Variants in POU3F3 observed in about 807,000 individuals in gnomAD.
POU3F3 encodes the protein POU class 3 homeobox 3, also known as POU domain, class 3, transcription factor 3.
Under a neutral mutation model 8.6 loss-of-function variants are expected in POU3F3, and 1 was observed. The ratio of observed to expected loss-of-function variants is 0.12; its 90% CI spans 0.04 to 0.55. The LOEUF (loss-of-function observed/expected upper bound fraction) is 0.55, where lower values mean the gene tolerates loss of function less well. Ranked by LOEUF, POU3F3 falls within the 20% of genes least tolerant of loss-of-function variation. POU3F3 has a pLI of 0.91. For missense variants in POU3F3, 577 were observed against 690.7 expected, an observed-to-expected ratio of 0.84 and a Z score of 1.84; for synonymous variants, 418 against 327.4, an observed-to-expected ratio of 1.28 and a Z score of -2.99.
the POU3F3 span, among the ~76,000 whole-genome samples, chr2:104,921,145 C>G: frequency 6.6e-6 from 1 of 152,158 alleles, no homozygotes; most frequent in African/African-American, 2.4e-5. Flanking sequence ...GAGGACCACA[C>G]AATGGGAGCA....
the POU3F3 span, among the ~76,000 whole-genome samples, chr2:104,899,056 T>A: frequency 6.6e-6 from 1 of 152,184 alleles, no homozygotes; most frequent in Non-Finnish European, 1.5e-5. Context: ...GCCAGTGAGA[T>A]GAAACCAATA....
the POU3F3 span, among the ~76,000 whole-genome samples, chr2:104,905,552 G>T: frequency 6.6e-6 from 1 of 152,220 alleles, no homozygotes; most frequent in African/African-American, 2.4e-5. Flanking sequence ...AAACTGGGTG[G>T]TTTAAAACAA....
chr2:104,896,442 G>A, the POU3F3 span, among the ~76,000 whole-genome samples: 518 of 152,358 alleles, frequency 3.4e-3, 3 homozygotes, highest in Non-Finnish European at 5.7e-3. Context: ...CCAGAAGCTT[G>A]TGAGGGAGGT....
At chr2:104,867,323 C>A in the POU3F3 span, 1 of 152,286 alleles carries the variant, frequency 6.6e-6, no homozygotes, top group Non-Finnish European at 1.5e-5. This position sits in a 1 kb window ranked among gnomAD's most constrained non-coding sequence, Gnocchi z 5.0. Context: ...TGGGGGCGAG[C>A]CCGGAGGGAA....
the POU3F3 span, among the ~76,000 whole-genome samples, chr2:104,878,628 G>T: frequency 6.6e-6 from 1 of 152,180 alleles, no homozygotes; most frequent in African/African-American, 2.4e-5. Flanking sequence ...AGACTACAAG[G>T]CTGGGGCAAA....
chr2:104,868,093 A>G, the POU3F3 span: 1 of 363,502 alleles, frequency 2.8e-6, no homozygotes, highest in African/African-American at 2.1e-5. Context: ...TCAACGCAGG[A>G]GAACAATTAG....
upstream of POU3F3, chr2:104,853,487 C>G (rs1177961146): frequency 6.5e-6 from 1 of 152,790 alleles, no homozygotes; most frequent in Non-Finnish European, 1.5e-5. Context: ...CCCCCGCTTC[C>G]CACCCCCGCC....
At chr2:104,897,312 G>A in the POU3F3 span, among the ~76,000 whole-genome samples, 22 of 152,120 alleles carry the variant, frequency 1.4e-4, no homozygotes, top group East Asian at 7.7e-4. Context: ...GAAGCTGCCC[G>A]GAGCTCCTCC....
the POU3F3 span, among the ~76,000 whole-genome samples, chr2:104,921,100 G>T: frequency 1.3e-5 from 2 of 152,184 alleles, no homozygotes; most frequent in African/African-American, 4.8e-5. Flanking sequence ...TGAGATAGGG[G>T]CTCAGCTTGA....
the POU3F3 span, among the ~76,000 whole-genome samples, chr2:104,902,912 C>T: frequency 2.6e-5 from 4 of 152,174 alleles, no homozygotes; most frequent in African/African-American, 7.2e-5. Context: ...AGGGCCTCCG[C>T]TTAATTGCCC....
the POU3F3 span, among the ~76,000 whole-genome samples, chr2:104,863,983 T>TG: frequency 6.6e-6 from 1 of 152,130 alleles, no homozygotes; most frequent in Non-Finnish European, 1.5e-5. Flanking sequence ...CACGGGGCGG[T>TG]GGAGTTCTTG....
the POU3F3 span, among the ~76,000 whole-genome samples, chr2:104,892,859 G>A: frequency 6.6e-6 from 1 of 151,988 alleles, no homozygotes; most frequent in East Asian, 1.9e-4. Flanking sequence ...CACTGGGGCT[G>A]GCCGATTCAT....
At position 104,855,921 on chromosome 2, in the gene POU3F3, G is replaced by A. The variant is rs1214288606; in HGVS notation, c.411G>A (p.Pro137=). 2.8e-6 allele frequency: 3 copies of A among 1,063,254 alleles called. No individual in the cohort carries two copies. The highest frequency in any genetic ancestry group is 5.6e-5 in the South Asian group (2 of 35,474). The allele number at this position is 1,063,254 out of a possible 1,614,324, so 65.9% of individuals were successfully genotyped here. The change falls in exon 1 of 1, where the codon CCG becomes CCA. Residue 137 remains proline, a synonymous_variant. Coordinates refer to ENST00000361360, the MANE Select transcript of POU3F3 (RefSeq NM_006236.3). ...TGGCTGGCAGCCCCCAGCAGCCACC[G>A]CAGCCGCCGCCGCCACCGCCGCAGG... ...VGMAGSPQQP[P]QPPPPPPQGP... is the part of the protein sequence containing the mutation.
chr2:104,876,141 A>C, the POU3F3 span, among the ~76,000 whole-genome samples: 1 of 152,312 alleles, frequency 6.6e-6, no homozygotes, highest in East Asian at 1.9e-4. Context: ...CAGAAGCTGG[A>C]AGTTCAAAGG....
Position 104,858,028 on chromosome 2 carries a change from G to T in POU3F3, c.*1015G>T, listed in dbSNP as rs1371313393. On this transcript the variant is annotated 3_prime_UTR_variant, in exon 1 of 1. Coordinates refer to ENST00000361360, the MANE Select transcript of POU3F3 (RefSeq NM_006236.3). ...CCAGGCTTTGACGGCTGCCATTCAGGGTGGACGATGCCTAAAGATTCCACC... is the reference window on the plus strand; with the variant it reads ...CCAGGCTTTGACGGCTGCCATTCAGTGTGGACGATGCCTAAAGATTCCACC... 1 of 152,092 alleles carries T rather than the reference G, an allele frequency of 6.6e-6. No individual in the cohort carries two copies. The highest frequency in any genetic ancestry group is 1.5e-5 in the Non-Finnish European group (1 of 68,020). The allele number at this position is 152,092 out of a possible 1,614,324, so 9.4% of individuals were successfully genotyped here.
downstream of POU3F3, among the ~76,000 whole-genome samples, chr2:104,859,918 G>C (rs1183337875): frequency 6.6e-6 from 1 of 152,050 alleles, no homozygotes; most frequent in East Asian, 1.9e-4. Flanking sequence ...CACCATTTTG[G>C]GGGTGTCTAG....
the POU3F3 span, among the ~76,000 whole-genome samples, chr2:104,901,195 C>T: frequency 6.6e-6 from 1 of 152,146 alleles, no homozygotes. Context: ...ACTGGAGAGA[C>T]AGCCCAGGAG....
chr2:104,856,317 G>GCACCACCAC lies in POU3F3; in HGVS notation c.823_831dup (p.His275_His277dup). 6.0e-6 allele frequency: 9 copies of GCACCACCAC among 1,503,162 alleles called. No homozygotes were observed. Among genetic ancestry groups the GCACCACCAC allele is most frequent in the East Asian group, 5.0e-5 (2 of 40,174 alleles). 93.1% of individuals were successfully genotyped at this position (1,503,162 alleles called of 1,614,324 possible). ...GCGGGGACACGCCAGAGCTGGCCGA[G>GCACCACCAC]CACCACCACCACCACCACCACCACG... On this transcript the variant is annotated inframe_insertion, in exon 1 of 1. Transcript: ENST00000361360.
the POU3F3 span, among the ~76,000 whole-genome samples, chr2:104,876,674 G>A: frequency 2.9e-4 from 44 of 152,272 alleles, no homozygotes; most frequent in African/African-American, 9.4e-4. Flanking sequence ...AAATGTAAAC[G>A]ACTGTGGAGA....
Sources: allele counts gnomAD v4.1 joint callset (sites outside exome capture counted in the v4.1 genomes callset), GRCh38; gene constraint gnomAD v4.1.1; non-coding constraint Gnocchi (gnomAD v3.1); transcripts MANE v1.5; gene names NCBI Gene and HGNC (gene_info 2026-07-23, HGNC 2026-07-21).